The following KHDRBS2 variants were observed in gnomAD, a reference collection of about 807,000 sequenced individuals.
KHDRBS2 encodes KH RNA binding domain containing, signal transduction associated 2.
A neutral mutation model predicts 44.3 loss-of-function variants in KHDRBS2; 26 were observed. The observed-to-expected ratio is 0.59, with a 90% CI of 0.43 to 0.81. The LOEUF is 0.81. Ranked by LOEUF, KHDRBS2 falls within the 40% of genes least tolerant of loss-of-function variation. KHDRBS2 has a pLI of 0.00. For synonymous variants in KHDRBS2, 194 were observed against 151.1 expected (o/e 1.28, Z -2.08); for missense variants, 476 against 433.1 (o/e 1.10, Z -0.88).
intron 2 of KHDRBS2, among the ~76,000 whole-genome samples, chr6:62,144,647 A>G (rs1813556893): frequency 1.3e-5 from 2 of 151,950 alleles, no homozygotes; most frequent in Non-Finnish European, 2.9e-5. Context: ...AATATGCACC[A>G]TTTAATTTAG....
chr6:61,785,677 C>T (rs1478116363), intron 6 of KHDRBS2, among the ~76,000 whole-genome samples: 10 of 151,984 alleles, frequency 6.6e-5, no homozygotes, highest in East Asian at 1.9e-4. Context: ...ATTGGGATTA[C>T]GTATATTTTA....
At chr6:61,770,646 A>C (rs1780728918) in intron 6 of KHDRBS2, among the ~76,000 whole-genome samples, 1 of 152,200 alleles carries the variant, frequency 6.6e-6, no homozygotes, top group South Asian at 2.1e-4. Flanking sequence ...AAAAAGAATA[A>C]AAAGAAATGA....
chr6:62,037,394 A>T (rs1179452811), intron 3 of KHDRBS2, among the ~76,000 whole-genome samples: 9 of 151,912 alleles, frequency 5.9e-5, no homozygotes, highest in Non-Finnish European at 1.2e-4. Flanking sequence ...AGAAAATAAA[A>T]ATGAGAGTCA....
intron 3 of KHDRBS2, among the ~76,000 whole-genome samples, chr6:61,982,783 G>T (rs550910980): frequency 9.9e-5 from 15 of 151,972 alleles, no homozygotes; most frequent in South Asian, 4.2e-4. Flanking sequence ...AGAACAAGAA[G>T]TAATTATATG....
At chr6:62,032,583 A>G (rs573382117) in intron 3 of KHDRBS2, among the ~76,000 whole-genome samples, 83 of 151,130 alleles carry the variant, frequency 5.5e-4, no homozygotes, top group African/African-American at 1.9e-3. Context: ...AATTCTGTTC[A>G]TCAAGAGAAC....
At chr6:61,559,539 G>A in the KHDRBS2 span, among the ~76,000 whole-genome samples, 50 of 152,142 alleles carry the variant, frequency 3.3e-4, no homozygotes, top group African/African-American at 1.1e-3. Flanking sequence ...CTGATGGTAT[G>A]TTTTAATTTC....
intron 2 of KHDRBS2, among the ~76,000 whole-genome samples, chr6:62,120,283 A>G (rs1807300871): frequency 6.6e-6 from 1 of 152,142 alleles, no homozygotes; most frequent in African/African-American, 2.4e-5. Flanking sequence ...GGGATGCTAG[A>G]GTGAATTAGT....
chr6:62,248,374 T>C (rs1835966287), intron 1 of KHDRBS2, among the ~76,000 whole-genome samples: 1 of 152,070 alleles, frequency 6.6e-6, no homozygotes, highest in South Asian at 2.1e-4. Context: ...TTTTTCATTT[T>C]TTTTAACAGA....
intron 2 of KHDRBS2, among the ~76,000 whole-genome samples, chr6:62,099,170 G>A (rs1443746970): frequency 6.6e-6 from 1 of 152,088 alleles, no homozygotes; most frequent in Non-Finnish European, 1.5e-5. Flanking sequence ...GTGGGGTGAG[G>A]TCATGGTTCC....
chr6:61,574,093 A>T, the KHDRBS2 span, among the ~76,000 whole-genome samples: 1 of 152,160 alleles, frequency 6.6e-6, no homozygotes, highest in Non-Finnish European at 1.5e-5. Flanking sequence ...TATGTAAAAA[A>T]ATGAAACTGT....
At chr6:62,258,061 C>A (rs968414681) in intron 1 of KHDRBS2, among the ~76,000 whole-genome samples, 2 of 151,916 alleles carry the variant, frequency 1.3e-5, no homozygotes, top group African/African-American at 4.8e-5. Context: ...CCTATGTTAG[C>A]AGTTAAACAG....
In KHDRBS2 at chr6:61,814,444, T is replaced by TA. The variant is rs1788593906; in HGVS notation, c.810+80190dup. On this transcript the variant is annotated intron_variant, in intron 6 of 8. Coordinates refer to ENST00000281156, the MANE Select transcript of KHDRBS2 (RefSeq NM_152688.4). ...TAACATGGTGAAATCCTGTCTCTAC[T>TA]AAAAATACAAAAATAAGCTTGGTGT... 2.0e-5 allele frequency among the ~76,000 whole-genome samples: 3 copies of TA among 152,002 alleles called. No individual in the cohort carries two copies. In the South Asian group the frequency reaches 6.3e-4, roughly 32 times the overall value.
At chr6:61,762,500 A>G (rs185939649) in intron 6 of KHDRBS2, among the ~76,000 whole-genome samples, 6 of 152,224 alleles carry the variant, frequency 3.9e-5, no homozygotes, top group East Asian at 1.9e-4. Context: ...TTCTTGCTCT[A>G]TAAGTTCCCA....
rs5876778 is a variant in KHDRBS2 at position 62,146,470 on chromosome 6, GA to G, written c.219+30714del. ...GCTACTTTATACATGGATTTTAAAA[GA>G]AAAAAAAAACGGTTTAAAAATTCCC... On this transcript the variant is annotated intron_variant, in intron 2 of 8. Coordinates refer to ENST00000281156, the MANE Select transcript of KHDRBS2 (RefSeq NM_152688.4). Among the ~76,000 whole-genome samples the G allele has an allele frequency of 2.1e-3, 307 of 145,954 alleles. 9 individuals carry two copies. In the South Asian group the frequency reaches 0.053, roughly 25 times the overall value.
intron 4 of KHDRBS2, among the ~76,000 whole-genome samples, chr6:61,954,117 A>C (rs1157501518): frequency 1.3e-5 from 2 of 152,128 alleles, no homozygotes; most frequent in Admixed American, 1.3e-4. Context: ...AGAGTGCCAC[A>C]AGGCATAACA....
At chr6:62,019,816 T>C (rs1459607987) in intron 3 of KHDRBS2, among the ~76,000 whole-genome samples, 2 of 152,036 alleles carry the variant, frequency 1.3e-5, no homozygotes, top group Admixed American at 6.6e-5. Context: ...AATTTATTTT[T>C]CTCTTTTTTT....
chr6:61,868,556 G>T lies in KHDRBS2; in HGVS notation c.810+26079C>A, dbSNP rs34195811. Among the ~76,000 whole-genome samples, 816 of 152,330 alleles carry T rather than the reference G, an allele frequency of 5.4e-3. 5 individuals are homozygous for T. The highest frequency in any genetic ancestry group is 0.012 in the South Asian group (59 of 4,826). On this transcript the variant is annotated intron_variant, in intron 6 of 8. Transcript: ENST00000281156. ...GAGGTCCTGCCCAGTGAGGAGGAAT[G>T]GATTGGGGTCCCACTTAAAGAAGCA... is the stretch of plus-strand genomic sequence containing the variant.
At chr6:61,597,773 T>TATATATAAACAC in the KHDRBS2 span, among the ~76,000 whole-genome samples, 1 of 42,330 alleles carries the variant, frequency 2.4e-5, no homozygotes, top group Non-Finnish European at 4.8e-5. Context: ...TATATATATA[T>TATATATAAACAC]ACACCAAGAT....
intron 6 of KHDRBS2, among the ~76,000 whole-genome samples, chr6:61,859,336 T>C (rs1468379218): frequency 6.6e-6 from 1 of 151,826 alleles, no homozygotes; most frequent in African/African-American, 2.4e-5. Flanking sequence ...AAGGTAAAAA[T>C]CATGTAAAAA....
Sources: gnomAD v4.1 joint callset for allele counts (sites outside exome capture counted in the v4.1 genomes callset) on GRCh38, gnomAD v4.1.1 for gene constraint, MANE v1.5 for transcripts, NCBI Gene and HGNC (gene_info 2026-07-23, HGNC 2026-07-21) for gene names.